RNF212: variants seen among roughly 807,000 people sequenced by gnomAD.
The protein encoded by RNF212 is probable E3 SUMO-protein ligase RNF212.
In RNF212, 33 loss-of-function variants were observed where a neutral mutation model predicts 34.7. That is an observed-to-expected ratio of 0.95 (90% confidence interval 0.72 to 1.27). The LOEUF is 1.27. Ranked by LOEUF, RNF212 falls within the 50% of genes most tolerant of loss-of-function variation. RNF212 has a pLI of 0.00. For missense variants in RNF212, 377 were observed against 362.2 expected, an observed-to-expected ratio of 1.04 and a Z score of -0.33; for synonymous variants, 140 against 136.1, an observed-to-expected ratio of 1.03 and a Z score of -0.20.
intron 4 of RNF212, among the ~76,000 whole-genome samples, chr4:1,086,614 G>A (rs1307407811): frequency 1.1e-4 from 1 of 8,776 alleles, no homozygotes; most frequent in Non-Finnish European, 2.3e-4. Context: ...AGGGGTGGGG[G>A]TGAGGAAGGG....
Position 1,113,538 on chromosome 4 carries a change from G to C in RNF212, c.-74C>G. ...GCAAGGTTGGGACCAGCCTCCCCGC[G>C]CAGGGCCCGAAGGCGGGCAGCTCTG... is the stretch of plus-strand genomic sequence containing the variant. On this transcript the variant is annotated 5_prime_UTR_variant, in exon 1 of 10. Coordinates refer to ENST00000433731, the MANE Select transcript of RNF212 (RefSeq NM_001131034.4). The C allele has an allele frequency of 1.6e-6, 2 of 1,274,902 alleles. No individual in the cohort carries two copies. The highest frequency in any genetic ancestry group is 1.3e-5 in the South Asian group (1 of 76,090). The allele number at this position is 1,274,902 out of a possible 1,614,324, so 79.0% of individuals were successfully genotyped here.
At chr4:1,099,291 A>G in intron 2 of RNF212, among the ~76,000 whole-genome samples, 1 of 152,270 alleles carries the variant, frequency 6.6e-6, no homozygotes, top group East Asian at 1.9e-4. Context: ...ACAAAAACTG[A>G]AAACACTAAC....
Position 1,093,960 on chromosome 4 carries a change from A to G in RNF212, c.246+2805T>C, listed in dbSNP as rs1577754240. On this transcript the variant is annotated intron_variant, in intron 3 of 9. Transcript: ENST00000433731. ...GTCGAGCCTCTGGGCACCTCCTTGG[A>G]GGATGTGGCTGGGCATAACTTGAGA... is the stretch of plus-strand genomic sequence containing the variant. 1.4e-5 allele frequency: 21 copies of G among 1,535,920 alleles called. No individual in the cohort carries two copies. In the East Asian group the frequency reaches 5.1e-4, roughly 38 times the overall value.
intron 4 of RNF212, among the ~76,000 whole-genome samples, chr4:1,089,499 T>C (rs551808720): frequency 6.6e-6 from 1 of 152,352 alleles, no homozygotes; most frequent in African/African-American, 2.4e-5. Flanking sequence ...GATTTTGGGC[T>C]TGGACTTCTG....
rs982520888 is a variant in RNF212 at position 1,075,783 on chromosome 4, C to T, written c.511-2121G>A. Among the ~76,000 whole-genome samples, 4 of 152,268 alleles carry T rather than the reference C, an allele frequency of 2.6e-5. No homozygotes were observed. The South Asian group carries it at 6.2e-4, about 24-fold the overall frequency. The stretch of plus-strand genomic sequence containing the variant: ...CTCAACCTCCTGGTGGTGATCCTCC[C>T]ACCTCAGCTTCTCAGTAGCTGGGAC... On this transcript the variant is annotated intron_variant, in intron 8 of 9. Transcript: ENST00000433731.
intron 2 of RNF212, among the ~76,000 whole-genome samples, chr4:1,104,983 C>T (rs1429788537): frequency 6.6e-6 from 1 of 152,136 alleles, no homozygotes; most frequent in Non-Finnish European, 1.5e-5. Flanking sequence ...GCAGCTCTGC[C>T]TTCTGGAGGA....
At chr4:1,094,681 C>T (rs1722770299) in intron 3 of RNF212, among the ~76,000 whole-genome samples, 1 of 152,254 alleles carries the variant, frequency 6.6e-6, no homozygotes, top group Middle Eastern at 3.4e-3. Flanking sequence ...GGATTGGAGG[C>T]CTGGGAGGCA....
chr4:1,074,659 G>A (rs1421413315), intron 8 of RNF212, among the ~76,000 whole-genome samples: 2 of 152,104 alleles, frequency 1.3e-5, no homozygotes, highest in Non-Finnish European at 2.9e-5. Context: ...GCTTGGCATG[G>A]CCCTCTGAGC....
chr4:1,073,278 C>T, intron 9 of RNF212, 85 bp from the exon 10 acceptor site: 1 of 1,518,286 alleles, frequency 6.6e-7, no homozygotes, highest in East Asian at 2.3e-5. Flanking sequence ...GGGAGGGATT[C>T]ACTTTGAAAA....
At chr4:1,079,579 G>A (rs556930460) in intron 8 of RNF212, 64 bp downstream of exon 8, 3 of 1,133,272 alleles carry the variant, frequency 2.6e-6, no homozygotes, top group South Asian at 1.2e-5. Flanking sequence ...TTTCACTACT[G>A]AGGAAAATGG....
chr4:1,063,570 G>A lies in RNF212; in HGVS notation n.148-5177C>T, dbSNP rs189162173. Among the ~76,000 whole-genome samples, 637 of 151,994 alleles carry A rather than the reference G, an allele frequency of 4.2e-3. 3 individuals carry two copies. Among genetic ancestry groups the A allele is most frequent in the Non-Finnish European group, 6.4e-3 (433 of 67,964 alleles). Reference sequence around the variant, plus strand: ...TACAAAACTAGCCAGGTGTGGTGGTGCGCACCTGTAATCCCAGCTCGTCAG... The same window carrying A: ...TACAAAACTAGCCAGGTGTGGTGGTACGCACCTGTAATCCCAGCTCGTCAG... On this transcript the variant is annotated intron_variant and non_coding_transcript_variant, in intron 3 of 4. Coordinates refer to the RNF212 transcript ENST00000503206.
downstream of RNF212, among the ~76,000 whole-genome samples, chr4:1,068,574 AATGTT>A (rs1718241645): frequency 6.6e-6 from 1 of 152,164 alleles, no homozygotes; most frequent in African/African-American, 2.4e-5. Context: ...TTGTTGCTTC[AATGTT>A]ATGTTTTGTA....
chr4:1,095,363 G>A (rs1257673279), intron 3 of RNF212, among the ~76,000 whole-genome samples: 1 of 36,042 alleles, frequency 2.8e-5, no homozygotes, highest in African/African-American at 1.5e-4. Context: ...TCAGCATAGC[G>A]CACCTGGCTC....
chr4:1,095,357 C>G (rs576033106), intron 3 of RNF212, among the ~76,000 whole-genome samples: 29 of 23,750 alleles, frequency 1.2e-3, no homozygotes, highest in East Asian at 7.0e-3. Context: ...ATGGTCTCAG[C>G]ATAGCGCACC....
At chr4:1,073,487 G>C in intron 9 of RNF212, 112 bp downstream of exon 9, 2 of 874,140 alleles carry the variant, frequency 2.3e-6, no homozygotes, top group East Asian at 2.5e-5. Flanking sequence ...CCGGGTGGAA[G>C]GACAGCACCC....
chr4:1,092,985 A>T (rs1426531085), intron 3 of RNF212, among the ~76,000 whole-genome samples: 1 of 64,422 alleles, frequency 1.6e-5, no homozygotes, highest in Non-Finnish European at 4.5e-5. Context: ...AAACTACGCC[A>T]GGACCAGGGT....
intron 8 of RNF212, among the ~76,000 whole-genome samples, chr4:1,076,078 A>G (rs6812596): frequency 0.81 from 123,428 of 152,286 alleles, 50,740 homozygotes; most frequent in African/African-American, 0.94. Flanking sequence ...AGAAAATGCC[A>G]TGCTCATTTA....
chr4:1,077,228 TCAAA>T lies in RNF212; in HGVS notation c.510+2411_510+2414del, dbSNP rs557452872. Among the ~76,000 whole-genome samples the T allele has an allele frequency of 1.6e-3, 239 of 152,248 alleles. 1 individual carries two copies. The highest frequency in any genetic ancestry group is 3.6e-3 in the African/African-American group (149 of 41,554). The stretch of plus-strand genomic sequence containing the variant: ...ATAGGCAATAGAGTGAGACTCTGTC[TCAAA>T]CAAACAAACAAACAAAAAACAAAAA... On this transcript the variant is annotated intron_variant, in intron 8 of 9. Coordinates refer to ENST00000433731, the MANE Select transcript of RNF212 (RefSeq NM_001131034.4).
At chr4:1,096,714 G>A (rs648640) in intron 3 of RNF212, 51 bp downstream of exon 3, 19,973 of 1,079,538 alleles carry the variant, frequency 0.019, 927 homozygotes, top group African/African-American at 0.12. Context: ...ATGGTCTCGG[G>A]ATAGTGCACC....
Sources: allele counts gnomAD v4.1 joint callset (sites outside exome capture counted in the v4.1 genomes callset), GRCh38; gene constraint gnomAD v4.1.1; transcripts MANE v1.5; gene names NCBI Gene and HGNC (gene_info 2026-07-23, HGNC 2026-07-21).